The following NUP37 variants were observed in gnomAD, a reference collection of about 807,000 sequenced individuals.
NUP37 encodes the protein nucleoporin 37.
Under a neutral mutation model 45.4 loss-of-function variants are expected in NUP37, and 33 were observed. The observed-to-expected ratio is 0.73, with a 90% CI of 0.55 to 0.97. The LOEUF is 0.97. Among genes scored for constraint, NUP37 ranks in the 50% least tolerant of loss-of-function variants. The pLI is 0.00. For missense variants in NUP37, 365 were observed against 389.7 expected (o/e 0.94, Z 0.53); for synonymous variants, 127 against 130.7 (o/e 0.97, Z 0.19).
chr12:102,100,660 T>C (rs1455742542), intron 4 of NUP37, among the ~76,000 whole-genome samples: 1 of 152,236 alleles, frequency 6.6e-6, no homozygotes, highest in East Asian at 1.9e-4. Context: ...CGCTTTGGAA[T>C]TCTGCCTGTG....
At position 102,074,414 on chromosome 12, in the gene NUP37, A is replaced by G; in HGVS notation, c.921T>C (p.Thr307=). The G allele has an allele frequency of 6.2e-7, 1 of 1,613,344 alleles. No individual in the cohort carries two copies. Among genetic ancestry groups the G allele is most frequent in the Non-Finnish European group, 8.5e-7 (1 of 1,179,520 alleles). ...CTCCTCCAATTACACACAGAGGGAG[A>G]GTTCGATGCCAGGACAGTCCAGATC... ...AVGSGLSWHR[T]LPLCVIGGDH... is the part of the protein sequence containing the mutation. Residue 307 remains threonine, a synonymous_variant, in exon 10 of 10, where the codon ACT becomes ACC. Coordinates refer to ENST00000552283, the MANE Select transcript of NUP37 (RefSeq NM_024057.4).
intron 6 of NUP37, 65 bp from the exon 7 acceptor site, chr12:102,077,568 G>T: frequency 7.1e-7 from 1 of 1,412,652 alleles, no homozygotes; most frequent in Non-Finnish European, 9.7e-7. Context: ...TGAAGTGTAA[G>T]CAGAGATTCA....
chr12:102,105,616 C>T (rs1221654395), intron 3 of NUP37, among the ~76,000 whole-genome samples: 1 of 152,020 alleles, frequency 6.6e-6, no homozygotes, highest in African/African-American at 2.4e-5. Context: ...GTAATCCTAG[C>T]ACTTCCGGTG....
chr12:102,075,846 C>A (rs1365319958), intron 8 of NUP37, among the ~76,000 whole-genome samples: 1 of 151,860 alleles, frequency 6.6e-6, no homozygotes, highest in Non-Finnish European at 1.5e-5. Flanking sequence ...AGCAATCTCC[C>A]ATAAAAGGAG....
intron 6 of NUP37, among the ~76,000 whole-genome samples, chr12:102,082,957 G>C (rs1212054027): frequency 6.6e-6 from 1 of 152,126 alleles, no homozygotes; most frequent in Non-Finnish European, 1.5e-5. Flanking sequence ...ATGATTTTAG[G>C]ATTCTGAGTT....
At chr12:102,091,976 C>T (rs973477157) in intron 5 of NUP37, among the ~76,000 whole-genome samples, 3 of 151,858 alleles carry the variant, frequency 2.0e-5, no homozygotes, top group African/African-American at 4.8e-5. Flanking sequence ...TGTTATTGTC[C>T]CAATAAATTA....
chr12:102,111,470 A>G (rs1880316284), intron 3 of NUP37, among the ~76,000 whole-genome samples: 1 of 152,242 alleles, frequency 6.6e-6, no homozygotes, highest in African/African-American at 2.4e-5. Context: ...AAGTTAGCTT[A>G]ATAGTTGATA....
Position 102,084,615 on chromosome 12 carries a change from A to G in NUP37, c.540+1151T>C, listed in dbSNP as rs537414224. Among the ~76,000 whole-genome samples the G allele has an allele frequency of 2.6e-5, 4 of 152,076 alleles. No individual in the cohort carries two copies. In the South Asian group the frequency reaches 8.3e-4, roughly 32 times the overall value. On this transcript the variant is annotated intron_variant, in intron 6 of 9. Coordinates refer to ENST00000552283, the MANE Select transcript of NUP37 (RefSeq NM_024057.4). ...ATGATGAATGCTAGAGTTACTGGAA[A>G]TGAAACTTGGGGCCATGCTTGGTAA...
chr12:102,115,685 AT>A (rs2136758162), intron 2 of NUP37: 1 of 261,886 alleles, frequency 3.8e-6, no homozygotes, highest in Non-Finnish European at 5.9e-6. Flanking sequence ...ACAACATGAG[AT>A]TCTGAAAAAT....
At chr12:102,096,926 A>G (rs1178644417) in intron 5 of NUP37, among the ~76,000 whole-genome samples, 3 of 152,092 alleles carry the variant, frequency 2.0e-5, no homozygotes, top group Non-Finnish European at 4.4e-5. Context: ...TGTAAATTCT[A>G]AAAATACTCC....
At chr12:102,082,312 T>C (rs1879351372) in intron 6 of NUP37, among the ~76,000 whole-genome samples, 1 of 152,166 alleles carries the variant, frequency 6.6e-6, no homozygotes, top group African/African-American at 2.4e-5. Flanking sequence ...AACTCATATC[T>C]TTCTTCTCTA....
intron 3 of NUP37, among the ~76,000 whole-genome samples, chr12:102,107,961 C>T (rs1310393557): frequency 1.3e-5 from 2 of 152,276 alleles, no homozygotes; most frequent in Admixed American, 6.5e-5. Context: ...TTAGTAATGT[C>T]CTATCTCTTG....
chr12:102,076,141 T>C (rs1016779900), intron 8 of NUP37, among the ~76,000 whole-genome samples: 1 of 152,202 alleles, frequency 6.6e-6, no homozygotes, highest in African/African-American at 2.4e-5. Context: ...TGTATATTTG[T>C]TCACACATCT....
Position 102,101,036 on chromosome 12 carries a change from T to C in NUP37, c.350A>G (p.Tyr117Cys). ...TTTATATGGTTGTCAACATACCTTA[T>C]ATTCATTTTTATCCTGAAGATCTGA... ...FTSDLQDKNEYKVLEGHTDFI... is the reference protein window; with the variant it reads ...FTSDLQDKNECKVLEGHTDFI... The change falls in exon 4 of 10, where the codon TAT becomes TGT. Residue 117 changes from tyrosine (Y) to cysteine (C), a missense_variant. Tyr to Cys is a radical substitution (Grantham distance 194). Transcript: ENST00000552283. 1.3e-6 allele frequency: 2 copies of C among 1,499,062 alleles called. No homozygotes were observed. The highest frequency in any genetic ancestry group is 1.8e-6 in the Non-Finnish European group (2 of 1,095,058). The allele number at this position is 1,499,062 out of a possible 1,614,324, so 92.9% of individuals were successfully genotyped here. A position where few individuals can be genotyped will look rare whatever the true frequency, so the allele number is the denominator to read the frequency against.
chr12:102,098,275 G>C (rs1444949889), intron 5 of NUP37, among the ~76,000 whole-genome samples: 1 of 152,082 alleles, frequency 6.6e-6, no homozygotes, highest in Middle Eastern at 3.2e-3. Flanking sequence ...AAATGTTATA[G>C]CTACCTCATC....
At chr12:102,095,315 T>G (rs1447634274) in intron 5 of NUP37, among the ~76,000 whole-genome samples, 1 of 152,142 alleles carries the variant, frequency 6.6e-6, no homozygotes, top group African/African-American at 2.4e-5. Context: ...AATTTTAGCC[T>G]TCTTTCAATG....
chr12:102,076,178 C>A (rs73185907), intron 8 of NUP37, among the ~76,000 whole-genome samples: 5,972 of 152,238 alleles, frequency 0.039, 166 homozygotes, highest in African/African-American at 0.072. Context: ...TCTTAACGAT[C>A]CATGGCATTC....
chr12:102,076,739 T>C (rs1879179319), intron 8 of NUP37, 58 bp downstream of exon 8: 1 of 1,406,142 alleles, frequency 7.1e-7, no homozygotes, highest in South Asian at 1.2e-5. Context: ...AGTATCCCAG[T>C]GGTGGCACAG....
At chr12:102,111,661 T>C (rs1375117845) in intron 3 of NUP37, among the ~76,000 whole-genome samples, 1 of 152,210 alleles carries the variant, frequency 6.6e-6, no homozygotes. Context: ...TCATTCCTTT[T>C]AAACACTTTC....
Sources: gnomAD v4.1 joint callset for allele counts (sites outside exome capture counted in the v4.1 genomes callset) on GRCh38, gnomAD v4.1.1 for gene constraint, MANE v1.5 for transcripts, NCBI Gene and HGNC (gene_info 2026-07-23, HGNC 2026-07-21) for gene names.